Variants in GBP2 observed in about 807,000 individuals in gnomAD.
The protein encoded by GBP2 is guanylate-binding protein 2.
In GBP2, 54 loss-of-function variants were observed where a neutral mutation model predicts 60.8. That is an observed-to-expected ratio of 0.89 (90% CI 0.71 to 1.11). The LOEUF is 1.11. Among genes scored for constraint, GBP2 ranks in the 50% most tolerant of loss-of-function variants. The probability of loss-of-function intolerance (pLI) is 0.00; values close to 1 mark genes in which losing one functional copy is unlikely to be tolerated. For synonymous variants in GBP2, 243 were observed against 256.5 expected, an observed-to-expected ratio of 0.95 and a Z score of 0.50; for missense variants, 665 against 703.3, an observed-to-expected ratio of 0.95 and a Z score of 0.62.
chr1:89,113,701 G>T (rs868765528), intron 7 of GBP2, among the ~76,000 whole-genome samples: 2 of 152,036 alleles, frequency 1.3e-5, no homozygotes, highest in African/African-American at 2.4e-5. Flanking sequence ...AATTACCAGG[G>T]AACATAAAAA....
At position 89,106,277 on chromosome 1, in the gene GBP2, A is replaced by G. The variant is rs1293505885; in HGVS notation, c.*1898T>C. 6.6e-6 allele frequency: 1 copy of G among 152,236 alleles called. No individual in the cohort carries two copies. Among genetic ancestry groups the G allele is most frequent in the Admixed American group, 6.5e-5 (1 of 15,284 alleles). The allele number at this position is 152,236 out of a possible 1,614,324, so 9.4% of individuals were successfully genotyped here. On this transcript the variant is annotated 3_prime_UTR_variant, in exon 11 of 11. Transcript: ENST00000370466. ...TAAAGTTGCTTTTTGCTTTCACAGA[A>G]CTAGATACAAAATACTAACTGTTTG...
intron 9 of GBP2, 28 bp from the exon 10 acceptor site, chr1:89,109,898 A>G (rs1681130413): frequency 6.3e-7 from 1 of 1,583,218 alleles, no homozygotes; most frequent in South Asian, 1.1e-5. Context: ...GCAGAAAAAG[A>G]TATGAATATT....
At chr1:89,122,011 G>C in intron 1 of GBP2, 28 bp from the exon 2 acceptor site, 1 of 1,529,554 alleles carries the variant, frequency 6.5e-7, no homozygotes, top group Non-Finnish European at 8.8e-7. Flanking sequence ...AGATGAAATG[G>C]AAAGCAGTTT....
rs1383333601 is a variant in GBP2, at chr1:89,117,573, T to C, written c.625+4A>G. On this transcript the variant is annotated splice_donor_region_variant and intron_variant, in intron 5 of 10. Transcript: ENST00000370466. ...TTACCCAACCAAGCATCAGACCCAG[T>C]AACCTTTTCTTAGCTTTAGCGAAAG... 6.2e-7 allele frequency: 1 copy of C among 1,610,894 alleles called. No homozygotes were observed. The highest frequency in any genetic ancestry group is 1.7e-5 in the Admixed American group (1 of 59,330).
At position 89,110,168 on chromosome 1, in the gene GBP2, A is replaced by G; in HGVS notation, c.1461T>C (p.Ile487=). The change falls in exon 9 of 11, where the codon ATT becomes ATC. Residue 487 remains isoleucine, a synonymous_variant. Transcript: ENST00000370466. ...AGTGTTTTCAGCTGTTCTCACCTTC[A>G]ATCGCTTTTTCCTTTTCTGAGAGTG... ...DQSLSEKEKA[I]EVERIKAESA... is the part of the protein sequence containing the mutation. 6.2e-7 allele frequency: 1 copy of G among 1,611,330 alleles called. No individual in the cohort carries two copies. Among genetic ancestry groups the G allele is most frequent in the South Asian group, 1.1e-5 (1 of 91,002 alleles).
At chr1:89,112,778 T>C (rs1218758157) in intron 7 of GBP2, 94 bp from the exon 8 acceptor site, 1 of 979,632 alleles carries the variant, frequency 1.0e-6, no homozygotes, top group African/African-American at 1.6e-5. Context: ...CTTCAGAAAT[T>C]GTGGCCCTCT....
At chr1:89,110,806 A>G (rs573391929) in intron 8 of GBP2, among the ~76,000 whole-genome samples, 1 of 152,352 alleles carries the variant, frequency 6.6e-6, no homozygotes, top group East Asian at 1.9e-4. Context: ...GAACTTATTC[A>G]TGTAACCAAA....
At position 89,110,174 on chromosome 1, in the gene GBP2, T is replaced by A. The variant is rs761667785; in HGVS notation, c.1455A>T (p.Lys485Asn). 6.2e-6 allele frequency: 10 copies of A among 1,611,602 alleles called. No homozygotes were observed. Among genetic ancestry groups the A allele is most frequent in the East Asian group, 2.2e-5 (1 of 44,844 alleles). ...TTCAGCTGTTCTCACCTTCAATCGC[T>A]TTTTCCTTTTCTGAGAGTGACTGAT... ...QTDQSLSEKE[K>N]AIEVERIKAE... is the part of the protein sequence containing the mutation. The change falls in exon 9 of 11, where the codon AAA (lysine) becomes AAT (asparagine). Residue 485 changes from lysine to asparagine, a missense_variant. Coordinates refer to ENST00000370466, the MANE Select transcript of GBP2 (RefSeq NM_004120.5).
At chr1:89,125,346 T>G (rs1363306664) in intron 1 of GBP2, among the ~76,000 whole-genome samples, 2 of 152,180 alleles carry the variant, frequency 1.3e-5, no homozygotes, top group Non-Finnish European at 2.9e-5. Context: ...CAGGACCCAT[T>G]TTCTCTTACA....
chr1:89,120,835 G>A (rs10922572), intron 3 of GBP2, among the ~76,000 whole-genome samples: 8,731 of 152,074 alleles, frequency 0.057, 808 homozygotes, highest in African/African-American at 0.2. Context: ...TTTGTAAAAC[G>A]TCTACTGAAG....
intron 3 of GBP2, 107 bp from the exon 4 acceptor site, chr1:89,120,395 G>T (rs1681375077): frequency 1.1e-6 from 1 of 876,142 alleles, no homozygotes. Flanking sequence ...CATTAGTTCT[G>T]AAAACTTAGG....
Position 89,112,458 on chromosome 1 carries a change from A to C in GBP2, c.1362+14T>G. 6.2e-7 allele frequency: 1 copy of C among 1,611,244 alleles called. No individual in the cohort carries two copies. The highest frequency in any genetic ancestry group is 8.5e-7 in the Non-Finnish European group (1 of 1,177,496). ...CAGCGAGTCCCAAGAAATGGTACCC[A>C]CCGTGTAGTTTACCTGTATCCCCTT... is the stretch of plus-strand genomic sequence containing the variant. On this transcript the variant is annotated intron_variant, in intron 8 of 10. Transcript: ENST00000370466.
chr1:89,114,448 G>A, intron 6 of GBP2, 152 bp from the exon 7 acceptor site: 1 of 965,668 alleles, frequency 1.0e-6, no homozygotes, highest in African/African-American at 1.7e-5. Flanking sequence ...TAATCACAGA[G>A]GAAATTGAAG....
chr1:89,122,021 T>C, intron 1 of GBP2, 38 bp from the exon 2 acceptor site: 1 of 1,492,484 alleles, frequency 6.7e-7, no homozygotes. Context: ...GAAAGCAGTT[T>C]TTAGGTAGTT....
At position 89,107,658 on chromosome 1, in the gene GBP2, G is replaced by T. The variant is rs1207167872; in HGVS notation, c.*517C>A. ...GATCTCCTTTATTTGCAGCCAGCATGCCATACAAAGACCACTTGGCAGGAG... is the reference window on the plus strand; with the variant it reads ...GATCTCCTTTATTTGCAGCCAGCATTCCATACAAAGACCACTTGGCAGGAG... On this transcript the variant is annotated 3_prime_UTR_variant, in exon 11 of 11. Transcript: ENST00000370466. Among the ~76,000 whole-genome samples, 2 of 152,146 alleles carry T rather than the reference G, an allele frequency of 1.3e-5. No individual in the cohort carries two copies. Among genetic ancestry groups the T allele is most frequent in the Non-Finnish European group, 2.9e-5 (2 of 68,026 alleles).
At position 89,117,015 on chromosome 1, in the gene GBP2, C is replaced by A; in HGVS notation, c.845G>T (p.Gly282Val). The A allele has an allele frequency of 6.2e-7, 1 of 1,613,890 alleles. No homozygotes were observed. The highest frequency in any genetic ancestry group is 8.5e-7 in the Non-Finnish European group (1 of 1,179,882). The change falls in exon 6 of 11, where the codon GGT (glycine) becomes GTT (valine). Residue 282 changes from glycine to valine, a missense_variant. Gly to Val is a moderately radical substitution (Grantham distance 109, BLOSUM62 -3). Coordinates refer to ENST00000370466, the MANE Select transcript of GBP2 (RefSeq NM_004120.5). ...ACGAGGCCCATTGACTGGAATGCCA[C>A]CTGAAAGAGTCTTGACATTGGAATG... ...LSHSNVKTLS[G>V]GIPVNGPRLE...
chr1:89,112,465 A>G lies in GBP2; in HGVS notation c.1362+7T>C. ...TCCCAAGAAATGGTACCCACCGTGT[A>G]GTTTACCTGTATCCCCTTCCTTGGC... is the stretch of plus-strand genomic sequence containing the variant. On this transcript the variant is annotated splice_region_variant and intron_variant, in intron 8 of 10. Coordinates refer to ENST00000370466, the MANE Select transcript of GBP2 (RefSeq NM_004120.5). The G allele has an allele frequency of 3.7e-6, 6 of 1,612,422 alleles. No individual in the cohort carries two copies. Among genetic ancestry groups the G allele is most frequent in the Non-Finnish European group, 5.1e-6 (6 of 1,178,504 alleles).
intron 4 of GBP2, chr1:89,118,146 C>T (rs1483693507): frequency 1.2e-5 from 2 of 163,534 alleles, no homozygotes; most frequent in African/African-American, 4.8e-5. Context: ...AACCAATAGA[C>T]ATTCATCTAA....
chr1:89,123,157 C>T (rs1455019389), intron 1 of GBP2, among the ~76,000 whole-genome samples: 1 of 152,100 alleles, frequency 6.6e-6, no homozygotes, highest in African/African-American at 2.4e-5. Flanking sequence ...ACAATATATG[C>T]CAGGCTTATC....
Sources: gnomAD v4.1 joint callset for allele counts (sites outside exome capture counted in the v4.1 genomes callset) on GRCh38, gnomAD v4.1.1 for gene constraint, MANE v1.5 for transcripts, NCBI Gene and HGNC (gene_info 2026-07-23, HGNC 2026-07-21) for gene names.